Variants in CACNA1I observed in about 807,000 individuals in gnomAD.
CACNA1I encodes the protein voltage-dependent T-type calcium channel subunit alpha-1I.
Under a neutral mutation model 201.6 loss-of-function variants are expected in CACNA1I, and 74 were observed. That is an observed-to-expected ratio of 0.37 (90% CI 0.30 to 0.45). CACNA1I has a LOEUF of 0.45. CACNA1I is among the 20% of genes least tolerant of loss of function. The pLI is 1.00. For missense variants in CACNA1I, 2,346 were observed against 3,138.1 expected, an observed-to-expected ratio of 0.75 and a Z score of 6.03; for synonymous variants, 1,431 against 1,345.2, an observed-to-expected ratio of 1.06 and a Z score of -1.40.
intron 5 of CACNA1I, among the ~76,000 whole-genome samples, chr22:39,640,115 T>A (rs1452518517): frequency 6.6e-6 from 1 of 152,102 alleles, no homozygotes; most frequent in African/African-American, 2.4e-5. Context: ...GCAGCCCGGC[T>A]CGGTGGCTCA....
intron 5 of CACNA1I, among the ~76,000 whole-genome samples, chr22:39,638,290 C>A (rs1934268739): frequency 6.6e-6 from 1 of 152,170 alleles, no homozygotes; most frequent in African/African-American, 2.4e-5. Flanking sequence ...AGTCAACTGT[C>A]CCAGGACCAG....
In CACNA1I at chr22:39,664,191, A is replaced by T. The variant is rs766466492; in HGVS notation, c.3666+32A>T. On this transcript the variant is annotated intron_variant, in intron 20 of 36. Coordinates refer to ENST00000402142, the MANE Select transcript of CACNA1I (RefSeq NM_021096.4). Reference sequence around the variant, plus strand: ...CCCGGTTTCACCCGGGACCCCTGCTAGCCCCAGCTCGGGCCCCTGGCCCTG... The same window carrying T: ...CCCGGTTTCACCCGGGACCCCTGCTTGCCCCAGCTCGGGCCCCTGGCCCTG... 3.1e-6 allele frequency: 5 copies of T among 1,588,554 alleles called. No individual in the cohort carries two copies. The East Asian group carries it at 1.1e-4, about 36-fold the overall frequency.
chr22:39,680,789 T>C, intron 33 of CACNA1I, 141 bp from the exon 34 acceptor site: 1 of 859,596 alleles, frequency 1.2e-6, no homozygotes, highest in Non-Finnish European at 1.7e-6. Context: ...GGACACATCA[T>C]CCGTGTCCAG....
chr22:39,662,494 C>T, intron 17 of CACNA1I, 59 bp downstream of exon 17: 1 of 1,259,650 alleles, frequency 7.9e-7, no homozygotes, highest in East Asian at 2.8e-5. Context: ...GAAGTGGGTG[C>T]GGCCCCAGGA....
chr22:39,671,813 C>T (rs5757764), intron 26 of CACNA1I, among the ~76,000 whole-genome samples: 79,345 of 152,012 alleles, frequency 0.52, 21,563 homozygotes, highest in East Asian at 0.96. Flanking sequence ...TTTCCAGCAC[C>T]GAACTATCAG....
chr22:39,597,558 C>A (rs1300077821), intron 1 of CACNA1I, among the ~76,000 whole-genome samples: 1 of 152,232 alleles, frequency 6.6e-6, no homozygotes, highest in Non-Finnish European at 1.5e-5. Context: ...GGGGCCCAGC[C>A]CCACCCCATG....
rs760366130 is a variant in CACNA1I, at chr22:39,624,094, AAG to A, written c.580+4690_580+4691del. On this transcript the variant is annotated intron_variant, in intron 4 of 36. Transcript: ENST00000402142. ...GTGTGTTTGTGAGAGCGCGTGTGTG[AAG>A]AGTGTGTATGTCTCTGTGAGGGTGT... Among the ~76,000 whole-genome samples, 13 of 145,508 alleles carry A rather than the reference AAG, an allele frequency of 8.9e-5. No individual in the cohort carries two copies. In the Middle Eastern group the frequency reaches 0.012, roughly 133 times the overall value.
In CACNA1I at chr22:39,662,031, A is replaced by G. The variant is rs754119440; in HGVS notation, c.2968A>G (p.Ser990Gly). Residue 990 changes from serine to glycine, a missense_variant, in exon 17 of 37, where the codon AGC becomes GGC. Transcript: ENST00000402142. ...CGCGGCCTGGGCCAGCCGTCGCTCC[A>G]GCTGGAACAGCCTCAAGCACAAGCC... ...RSAAWASRRS[S>G]WNSLKHKPPS... 1.9e-6 allele frequency: 3 copies of G among 1,567,424 alleles called. No individual in the cohort carries two copies. In the East Asian group the frequency reaches 7.2e-5, roughly 38 times the overall value.
intron 10 of CACNA1I, among the ~76,000 whole-genome samples, chr22:39,654,702 C>T (rs955704764): frequency 6.6e-6 from 1 of 152,140 alleles, no homozygotes; most frequent in Non-Finnish European, 1.5e-5. Flanking sequence ...TCATGGAAGG[C>T]TTCCTGGAGG....
intron 10 of CACNA1I, among the ~76,000 whole-genome samples, chr22:39,657,798 C>T (rs1934870873): frequency 6.6e-6 from 1 of 152,246 alleles, no homozygotes; most frequent in African/African-American, 2.4e-5. Flanking sequence ...CTGTCTTGCT[C>T]TGCATCTTAG....
chr22:39,618,289 C>G (rs116632682), intron 3 of CACNA1I, among the ~76,000 whole-genome samples: 8 of 146,590 alleles, frequency 5.5e-5, no homozygotes, highest in South Asian at 2.2e-4. Context: ...GTGTGTGTGA[C>G]TGTGTGTGCA....
rs1195719228 is a variant in CACNA1I at position 39,688,386 on chromosome 22, G to GT, written c.*1985dup. ...CCCTGCCTCCCTTTCCACAGAGGTG[G>GT]TTTTATGTGGAACGAGGTACCTTGT... On this transcript the variant is annotated 3_prime_UTR_variant, in exon 37 of 37. Coordinates refer to ENST00000402142, the MANE Select transcript of CACNA1I (RefSeq NM_021096.4). The surrounding 1 kb of genome is among the most constrained non-coding windows in gnomAD (Gnocchi z 4.8). 6.6e-6 allele frequency: 1 copy of GT among 152,274 alleles called. No individual in the cohort carries two copies. The highest frequency in any genetic ancestry group is 2.4e-5 in the African/African-American group (1 of 41,456). The allele number at this position is 152,274 out of a possible 1,614,324, so 9.4% of individuals were successfully genotyped here. A position where few individuals can be genotyped will look rare whatever the true frequency, so the allele number is the denominator to read the frequency against.
At chr22:39,654,323 C>T (rs1170579228) in intron 10 of CACNA1I, among the ~76,000 whole-genome samples, 2 of 152,234 alleles carry the variant, frequency 1.3e-5, no homozygotes, top group Admixed American at 1.3e-4. Context: ...TCCCCCTGAG[C>T]TGGGCAGGGC....
At chr22:39,609,273 G>T (rs1933312249) in intron 3 of CACNA1I, among the ~76,000 whole-genome samples, 1 of 152,168 alleles carries the variant, frequency 6.6e-6, no homozygotes, top group East Asian at 1.9e-4. Flanking sequence ...TGAACCCAGG[G>T]AGCTTAGCTC....
At chr22:39,601,332 G>T (rs1167086440) in intron 3 of CACNA1I, among the ~76,000 whole-genome samples, 1 of 152,258 alleles carries the variant, frequency 6.6e-6, no homozygotes, top group Non-Finnish European at 1.5e-5. Flanking sequence ...GCACCCACCT[G>T]CTACGCCAGT....
rs1418802745 is a variant in CACNA1I at position 39,603,689 on chromosome 22, A to T, written c.482+3036A>T. 4.6e-5 allele frequency among the ~76,000 whole-genome samples: 7 copies of T among 152,262 alleles called. No individual in the cohort carries two copies. The East Asian group carries it at 7.7e-4, about 17-fold the overall frequency. ...GTATAATTTCTGAAAAGGTAAAAAAAGTGACCCTTACACAAATCTTAGAAT... is the reference window on the plus strand; with the variant it reads ...GTATAATTTCTGAAAAGGTAAAAAATGTGACCCTTACACAAATCTTAGAAT... On this transcript the variant is annotated intron_variant, in intron 3 of 36. Coordinates refer to ENST00000402142, the MANE Select transcript of CACNA1I (RefSeq NM_021096.4).
In CACNA1I at chr22:39,680,947, G is replaced by T; in HGVS notation, c.5559G>T (p.Thr1853=). The part of the protein sequence containing the change: ...HDKQEVQLAE[T]EAFSLNSDRS... ...TCCTGCAGGTGCAGCTGGCTGAGACGGAGGCCTTCTCCCTGAACTCAGACA... is the reference window on the plus strand; with the variant it reads ...TCCTGCAGGTGCAGCTGGCTGAGACTGAGGCCTTCTCCCTGAACTCAGACA... Residue 1853 remains threonine, a synonymous_variant, in exon 34 of 37, where the codon ACG becomes ACT. Coordinates refer to ENST00000402142, the MANE Select transcript of CACNA1I (RefSeq NM_021096.4). 2 of 1,611,046 alleles carry T rather than the reference G, an allele frequency of 1.2e-6. No individual in the cohort carries two copies. Among genetic ancestry groups the T allele is most frequent in the Non-Finnish European group, 1.7e-6 (2 of 1,179,366 alleles).
At position 39,682,585 on chromosome 22, in the gene CACNA1I, A is replaced by T. The variant is rs779130889; in HGVS notation, c.5754A>T (p.Pro1918=). The T allele has an allele frequency of 3.0e-5, 48 of 1,613,502 alleles. 1 individual carries two copies. In the South Asian group the frequency reaches 5.1e-4, roughly 17 times the overall value. Residue 1918 remains proline, a synonymous_variant, in exon 35 of 37, where the codon CCA becomes CCT. Transcript: ENST00000402142. ...PLSSTAVSPD[P]ENFLCEMEEI... is the part of the protein sequence containing the mutation. ...CCTCTACGGCCGTCTCGCCGGATCC[A>T]GAGAACTTCCTGTGTGAGATGGAGG...
chr22:39,571,585 G>A (rs749465937), intron 1 of CACNA1I, among the ~76,000 whole-genome samples: 2 of 151,560 alleles, frequency 1.3e-5, no homozygotes, highest in African/African-American at 2.4e-5. Context: ...GTTCCACCCA[G>A]CCTCACTTCC....
Sources: allele counts gnomAD v4.1 joint callset (sites outside exome capture counted in the v4.1 genomes callset), GRCh38; gene constraint gnomAD v4.1.1; non-coding constraint Gnocchi (gnomAD v3.1); transcripts MANE v1.5; gene names NCBI Gene and HGNC (gene_info 2026-07-23, HGNC 2026-07-21).